Variants in TTLL5 observed in about 807,000 individuals in gnomAD.
TTLL5 encodes the protein tubulin tyrosine ligase like 5.
Under a neutral mutation model 168.4 loss-of-function variants are expected in TTLL5, and 132 were observed. The observed-to-expected ratio is 0.78, with a 90% CI of 0.68 to 0.91. The LOEUF is 0.91. TTLL5 is among the 40% of genes least tolerant of loss of function. The pLI, the probability that TTLL5 is intolerant of heterozygous loss-of-function variation, is 0.00. For synonymous variants in TTLL5, 546 were observed against 558.6 expected (o/e 0.98, Z 0.32); for missense variants, 1,545 against 1,581.5 (o/e 0.98, Z 0.39).
chr14:75,700,171 G>T lies in TTLL5; in HGVS notation c.585+901G>T, dbSNP rs577887902. 3.3e-5 allele frequency among the ~76,000 whole-genome samples: 5 copies of T among 152,304 alleles called. No homozygotes were observed. The South Asian group carries it at 6.2e-4, about 19-fold the overall frequency. On this transcript the variant is annotated intron_variant, in intron 7 of 31. Transcript: ENST00000298832. ...GGGAAATATTAGGATAGGTAGCTGG[G>T]CAGACATGAGCCGGGCATGAGAGGG... is the stretch of plus-strand genomic sequence containing the variant.
At chr14:75,738,974 T>G (rs1399691715) in intron 15 of TTLL5, among the ~76,000 whole-genome samples, 1 of 151,964 alleles carries the variant, frequency 6.6e-6, no homozygotes, top group Non-Finnish European at 1.5e-5. Context: ...CTGGCTAATT[T>G]TTTGTATTTT....
chr14:75,899,200 G>A (rs909988045), intron 30 of TTLL5, among the ~76,000 whole-genome samples: 4 of 152,204 alleles, frequency 2.6e-5, no homozygotes, highest in African/African-American at 9.7e-5. Context: ...GGTAGGTCTT[G>A]TTATCCAGGT....
chr14:75,763,243 A>G (rs954162546), intron 18 of TTLL5, among the ~76,000 whole-genome samples: 3 of 98,906 alleles, frequency 3.0e-5, no homozygotes, highest in African/African-American at 8.0e-5. Context: ...GTTTATTTCT[A>G]TAGCTCTCTC....
chr14:75,917,627 GGAGAGGGAGGATAA>G (rs1214046027), intron 31 of TTLL5, among the ~76,000 whole-genome samples: 1 of 152,218 alleles, frequency 6.6e-6, no homozygotes, highest in African/African-American at 2.4e-5. Flanking sequence ...AGCCAGACCT[GGAGAGGGAGGATAA>G]GGAGCAAGGT....
chr14:75,953,587 A>G (rs1352394978), intron 31 of TTLL5, among the ~76,000 whole-genome samples: 1 of 152,132 alleles, frequency 6.6e-6, no homozygotes, highest in Admixed American at 6.5e-5. Context: ...AAGAATTGGG[A>G]GGGTCTAGCA....
chr14:75,725,036 A>G (rs1301070358), intron 12 of TTLL5, among the ~76,000 whole-genome samples: 1 of 152,144 alleles, frequency 6.6e-6, no homozygotes, highest in Non-Finnish European at 1.5e-5. Context: ...CATGGGGACA[A>G]GTTGTGGAGC....
chr14:75,707,609 C>T lies in TTLL5; in HGVS notation c.656-14C>T. 1 of 1,198,724 alleles carries T rather than the reference C, an allele frequency of 8.3e-7. No individual in the cohort carries two copies. Among genetic ancestry groups the T allele is most frequent in the Non-Finnish European group, 1.2e-6 (1 of 866,888 alleles). 74.3% of individuals were successfully genotyped at this position (1,198,724 alleles called of 1,614,324 possible). A position where few individuals can be genotyped will look rare whatever the true frequency, so the allele number is the denominator to read the frequency against. On this transcript the variant is annotated splice_polypyrimidine_tract_variant and intron_variant, in intron 8 of 31. Coordinates refer to ENST00000298832, the MANE Select transcript of TTLL5 (RefSeq NM_015072.5). The stretch of plus-strand genomic sequence containing the variant: ...CTTAGTTTTTTTTTGTGAATACAAA[C>T]TTTTTTTTTTTAGATTTCAAGTTTG...
chr14:75,682,923 C>T (rs1009716046), intron 4 of TTLL5, among the ~76,000 whole-genome samples: 1 of 151,878 alleles, frequency 6.6e-6, no homozygotes, highest in African/African-American at 2.4e-5. Context: ...CATGGCACCA[C>T]TCCTGGCTAA....
At chr14:75,778,158 T>C (rs577713351) in intron 23 of TTLL5, among the ~76,000 whole-genome samples, 195 of 152,308 alleles carry the variant, frequency 1.3e-3, no homozygotes, top group African/African-American at 4.1e-3. Context: ...AAATGAATTA[T>C]AACATATTGT....
At chr14:75,921,953 G>A (rs949668637) in intron 31 of TTLL5, among the ~76,000 whole-genome samples, 1 of 152,186 alleles carries the variant, frequency 6.6e-6, no homozygotes, top group African/African-American at 2.4e-5. Context: ...TTCCTTGTGA[G>A]TTACATTCCT....
chr14:75,887,215 T>C, intron 30 of TTLL5: 1 of 992,534 alleles, frequency 1.0e-6, no homozygotes, highest in Non-Finnish European at 1.2e-6. Context: ...TAATGTTACC[T>C]GAACATGTGG....
At chr14:75,921,433 T>G (rs892660382) in intron 31 of TTLL5, among the ~76,000 whole-genome samples, 3 of 152,224 alleles carry the variant, frequency 2.0e-5, no homozygotes, top group African/African-American at 7.2e-5. Flanking sequence ...AATTTCAGCT[T>G]TCTTCATATG....
intron 31 of TTLL5, among the ~76,000 whole-genome samples, chr14:75,935,930 A>C (rs10137827): frequency 0.011 from 1,627 of 152,310 alleles, 29 homozygotes; most frequent in African/African-American, 0.038. Context: ...TTTAAACCAC[A>C]CAAATAGGAA....
rs910525231 is a variant in TTLL5 at position 75,951,632 on chromosome 14, C to T, written c.3824-2792C>T. ...AAAAACTAGCCCAGGCATGGTGGTA[C>T]ATGCCTGTGGTCCCAGCTACTCAGG... is the stretch of plus-strand genomic sequence containing the variant. On this transcript the variant is annotated intron_variant, in intron 31 of 31. Coordinates refer to ENST00000298832, the MANE Select transcript of TTLL5 (RefSeq NM_015072.5). Among the ~76,000 whole-genome samples the T allele has an allele frequency of 3.3e-5, 5 of 152,038 alleles. 1 individual carries two copies. Among genetic ancestry groups the T allele is most frequent in the Middle Eastern group, 6.3e-3 (2 of 316 alleles).
intron 23 of TTLL5, among the ~76,000 whole-genome samples, chr14:75,777,418 A>T (rs1891778980): frequency 6.6e-6 from 1 of 152,218 alleles, no homozygotes; most frequent in African/African-American, 2.4e-5. Flanking sequence ...CACCTAATTT[A>T]TATAAAATAG....
intron 3 of TTLL5, among the ~76,000 whole-genome samples, chr14:75,675,050 A>G (rs1884033170): frequency 6.6e-6 from 1 of 152,188 alleles, no homozygotes; most frequent in African/African-American, 2.4e-5. Flanking sequence ...AAGTAAATTC[A>G]TATACTCAAT....
intron 24 of TTLL5, 68 bp downstream of exon 24, chr14:75,779,770 A>G (rs889798560): frequency 4.0e-6 from 6 of 1,487,048 alleles, no homozygotes; most frequent in Non-Finnish European, 5.5e-6. Flanking sequence ...GCAAAGGAGA[A>G]TGAGGAATAA....
intron 30 of TTLL5, among the ~76,000 whole-genome samples, chr14:75,892,575 T>C (rs986986009): frequency 2.0e-5 from 3 of 152,144 alleles, no homozygotes; most frequent in Admixed American, 2.0e-4. Flanking sequence ...ATCTAGTGGG[T>C]AGACTCTACA....
chr14:75,746,624 T>C (rs1045689693), intron 17 of TTLL5, among the ~76,000 whole-genome samples: 5 of 151,750 alleles, frequency 3.3e-5, no homozygotes, highest in Admixed American at 3.3e-4. Flanking sequence ...TGGCACAATC[T>C]TGGCTTACTG....
Sources: allele counts gnomAD v4.1 joint callset (sites outside exome capture counted in the v4.1 genomes callset), GRCh38; gene constraint gnomAD v4.1.1; transcripts MANE v1.5; gene names NCBI Gene and HGNC (gene_info 2026-07-23, HGNC 2026-07-21).